The following SORCS3 variants were observed in gnomAD, a reference collection of about 807,000 sequenced individuals.
The protein encoded by SORCS3 is sortilin related VPS10 domain containing receptor 3.
In SORCS3, 57 loss-of-function variants were observed where a neutral mutation model predicts 146.3. The observed-to-expected ratio is 0.39, with a 90% CI of 0.31 to 0.49. SORCS3 has a LOEUF of 0.49. Ranked by LOEUF, SORCS3 falls within the 20% of genes least tolerant of loss-of-function variation. The pLI, the probability that SORCS3 is intolerant of heterozygous loss-of-function variation, is 0.92. For synonymous variants in SORCS3, 653 were observed against 618.5 expected (o/e 1.06, Z -0.83); for missense variants, 1,341 against 1,575.5 (o/e 0.85, Z 2.52).
Position 104,780,917 on chromosome 10 carries a change from A to G in SORCS3, c.628-61875A>G, listed in dbSNP as rs192903680. 7.6e-4 allele frequency among the ~76,000 whole-genome samples: 116 copies of G among 152,338 alleles called. 1 individual carries two copies. The highest frequency in any genetic ancestry group is 2.7e-3 in the African/African-American group (111 of 41,586). The stretch of plus-strand genomic sequence containing the variant: ...AACACATAGGTACTAACTGTAGAAT[A>G]TTGTTATTATTACTATTTCCAGCAC... On this transcript the variant is annotated intron_variant, in intron 1 of 26. Coordinates refer to ENST00000369701, the MANE Select transcript of SORCS3 (RefSeq NM_014978.3).
chr10:104,787,312 C>T (rs969476299), intron 1 of SORCS3, among the ~76,000 whole-genome samples: 1 of 152,118 alleles, frequency 6.6e-6, no homozygotes, highest in African/African-American at 2.4e-5. Flanking sequence ...GATGGGTGCT[C>T]ACTGATGCTG....
At chr10:105,166,675 A>C (rs993980157) in intron 12 of SORCS3, among the ~76,000 whole-genome samples, 9 of 152,152 alleles carry the variant, frequency 5.9e-5, no homozygotes, top group Non-Finnish European at 4.4e-5. Context: ...GGTCCCTGGA[A>C]GTACTGTGTT....
chr10:104,671,325 C>CTTTTTTTTTTTTTTTT (rs771029154), intron 1 of SORCS3, among the ~76,000 whole-genome samples: 261 of 19,198 alleles, frequency 0.014, 100 homozygotes, highest in Admixed American at 0.025. Context: ...CATTCTTTTC[C>CTTTTTTTTTTTTTTTT]TTTTTTTTTT....
At chr10:104,717,463 C>G (rs1234583181) in intron 1 of SORCS3, among the ~76,000 whole-genome samples, 4 of 152,170 alleles carry the variant, frequency 2.6e-5, no homozygotes, top group African/African-American at 9.7e-5. Context: ...CTAGAGCTCA[C>G]CCACAAGGCG....
intron 4 of SORCS3, among the ~76,000 whole-genome samples, chr10:105,005,626 C>T (rs2055090580): frequency 6.6e-6 from 1 of 152,068 alleles, no homozygotes; most frequent in South Asian, 2.1e-4. Flanking sequence ...CTATTCCTTC[C>T]AGAAGACTTT....
At chr10:104,869,323 G>C (rs1445469243) in intron 2 of SORCS3, among the ~76,000 whole-genome samples, 1 of 152,176 alleles carries the variant, frequency 6.6e-6, no homozygotes, top group Non-Finnish European at 1.5e-5. Context: ...TCTAGTCCAA[G>C]GACAGGAGAA....
At chr10:105,162,163 A>AT (rs1211605019) in intron 11 of SORCS3, among the ~76,000 whole-genome samples, 1 of 151,990 alleles carries the variant, frequency 6.6e-6, no homozygotes, top group Non-Finnish European at 1.5e-5. Context: ...CTTTTATTTT[A>AT]TTTTTTTAAT....
chr10:105,174,129 C>T (rs1000350962), intron 13 of SORCS3, among the ~76,000 whole-genome samples: 2 of 152,200 alleles, frequency 1.3e-5, no homozygotes, highest in Non-Finnish European at 2.9e-5. Context: ...ACTGCCAGAT[C>T]AGGCACATAG....
At chr10:104,672,926 T>C (rs1812794500) in intron 1 of SORCS3, among the ~76,000 whole-genome samples, 1 of 152,212 alleles carries the variant, frequency 6.6e-6, no homozygotes, top group Non-Finnish European at 1.5e-5. Flanking sequence ...ACTTGATATA[T>C]TTTCATGGTC....
intron 1 of SORCS3, among the ~76,000 whole-genome samples, chr10:104,791,381 G>T (rs950152851): frequency 6.6e-6 from 1 of 152,182 alleles, no homozygotes; most frequent in Non-Finnish European, 1.5e-5. Context: ...TGCTGTGCAG[G>T]TTGGTTAGAG....
At chr10:104,793,209 G>A (rs1026865819) in intron 1 of SORCS3, among the ~76,000 whole-genome samples, 1 of 152,036 alleles carries the variant, frequency 6.6e-6, no homozygotes, top group Non-Finnish European at 1.5e-5. Context: ...AAAATACACA[G>A]ACTCTACAAT....
chr10:104,766,351 C>G (rs1428732488), intron 1 of SORCS3, among the ~76,000 whole-genome samples: 2 of 152,206 alleles, frequency 1.3e-5, no homozygotes, highest in Non-Finnish European at 2.9e-5. Flanking sequence ...AGCCTTCACT[C>G]TCACTCCCAC....
intron 14 of SORCS3, among the ~76,000 whole-genome samples, chr10:105,194,385 A>T (rs1404415673): frequency 6.6e-6 from 1 of 152,156 alleles, no homozygotes; most frequent in African/African-American, 2.4e-5. Context: ...TGATTTTCAA[A>T]ATTTTCACCC....
At chr10:105,159,521 A>G (rs1021844179) in intron 11 of SORCS3, among the ~76,000 whole-genome samples, 2 of 152,218 alleles carry the variant, frequency 1.3e-5, no homozygotes, top group African/African-American at 4.8e-5. Flanking sequence ...ATCACTGTCC[A>G]CTGAGCATCA....
intron 1 of SORCS3, among the ~76,000 whole-genome samples, chr10:104,727,109 T>C (rs2016645007): frequency 1.3e-5 from 2 of 152,226 alleles, no homozygotes; most frequent in Admixed American, 6.5e-5. Flanking sequence ...ATGAGGATCA[T>C]GTCATATTCT....
intron 20 of SORCS3, among the ~76,000 whole-genome samples, chr10:105,242,270 A>T (rs1447792220): frequency 7.2e-6 from 1 of 139,736 alleles, no homozygotes; most frequent in Non-Finnish European, 1.5e-5. Flanking sequence ...ATTTATATAT[A>T]TATTTATACA....
chr10:105,147,515 C>G (rs1044153863), intron 8 of SORCS3, 102 bp from the exon 9 acceptor site: 2 of 1,038,778 alleles, frequency 1.9e-6, no homozygotes, highest in African/African-American at 3.2e-5. Context: ...ATAACTCAAG[C>G]TTTTTCTCAG....
intron 2 of SORCS3, among the ~76,000 whole-genome samples, chr10:104,886,542 T>A (rs1173763293): frequency 6.8e-6 from 1 of 146,422 alleles, no homozygotes; most frequent in Non-Finnish European, 1.5e-5. Flanking sequence ...GTGTATATAA[T>A]ATATAACTCT....
At chr10:104,747,629 C>T (rs1051166427) in intron 1 of SORCS3, among the ~76,000 whole-genome samples, 5 of 152,158 alleles carry the variant, frequency 3.3e-5, no homozygotes, top group Admixed American at 6.5e-5. Context: ...TTTTGATTAT[C>T]GAATGCCTGC....
Sources: gnomAD v4.1 joint callset for allele counts (sites outside exome capture counted in the v4.1 genomes callset) on GRCh38, gnomAD v4.1.1 for gene constraint, MANE v1.5 for transcripts, NCBI Gene and HGNC (gene_info 2026-07-23, HGNC 2026-07-21) for gene names.